The following ROBO1 variants were observed in gnomAD, a reference collection of about 807,000 sequenced individuals.
ROBO1 encodes roundabout guidance receptor 1.
In ROBO1, 149 loss-of-function variants were observed where a neutral mutation model predicts 195.9. The ratio of observed to expected loss-of-function variants is 0.76; its 90% CI spans 0.67 to 0.87. The LOEUF (loss-of-function observed/expected upper bound fraction) is 0.87. Among genes scored for constraint, ROBO1 ranks in the 40% least tolerant of loss-of-function variants. The pLI, the probability that ROBO1 is intolerant of heterozygous loss-of-function variation, is 0.00. For synonymous variants in ROBO1, 816 were observed against 733.2 expected (o/e 1.11, Z -1.82); for missense variants, 1,933 against 2,068.3 (o/e 0.93, Z 1.27).
rs368909952 is a variant in ROBO1 at position 79,584,646 on chromosome 3, TACAC to T, written c.88+5174_88+5177del. 3.6e-3 allele frequency among the ~76,000 whole-genome samples: 508 copies of T among 141,674 alleles called. 6 individuals carry two copies. Among genetic ancestry groups the T allele is most frequent in the Middle Eastern group, 0.012 (3 of 258 alleles). The allele number at this position is 141,674 out of a possible 152,430, so 92.9% of individuals were successfully genotyped here. On this transcript the variant is annotated intron_variant, in intron 2 of 30. Coordinates refer to ENST00000464233, the MANE Select transcript of ROBO1 (RefSeq NM_002941.4). ...GTGTGTGTGTGTGTGTGTATGTTCA[TACAC>T]ACACACACACATACACGTACACACA...
At chr3:78,709,932 T>G (rs906860211) in intron 8 of ROBO1, among the ~76,000 whole-genome samples, 6 of 152,244 alleles carry the variant, frequency 3.9e-5, no homozygotes, top group African/African-American at 1.4e-4. Context: ...TCTTTTTGAT[T>G]CATTTTTCTT....
chr3:79,434,921 GA>G (rs1350497135), intron 2 of ROBO1, among the ~76,000 whole-genome samples: 1 of 152,142 alleles, frequency 6.6e-6, no homozygotes, highest in Non-Finnish European at 1.5e-5. Context: ...TAGGGACATG[GA>G]TGAAGCTGGA....
At chr3:78,653,783 C>G (rs541174941) in intron 18 of ROBO1, among the ~76,000 whole-genome samples, 1 of 152,274 alleles carries the variant, frequency 6.6e-6, no homozygotes, top group Non-Finnish European at 1.5e-5. Flanking sequence ...ACAGGGGCGT[C>G]TGCCAGTATA....
At chr3:79,383,988 G>A (rs1467427853) in intron 2 of ROBO1, among the ~76,000 whole-genome samples, 2 of 151,852 alleles carry the variant, frequency 1.3e-5, no homozygotes, top group African/African-American at 2.4e-5. Context: ...ATTAACTATT[G>A]GTTAATTTAG....
At chr3:79,577,717 A>ACACACAC in intron 2 of ROBO1, among the ~76,000 whole-genome samples, 1 of 140,636 alleles carries the variant, frequency 7.1e-6, no homozygotes, top group Non-Finnish European at 1.6e-5. Context: ...CTTTACTAAA[A>ACACACAC]ACACACACAC....
At chr3:78,838,047 C>T (rs1299201895) in intron 4 of ROBO1, among the ~76,000 whole-genome samples, 1 of 152,174 alleles carries the variant, frequency 6.6e-6, no homozygotes, top group Non-Finnish European at 1.5e-5. Context: ...CAGGTGACTT[C>T]CATATTAGTA....
At chr3:78,953,233 T>A (rs2040879091) in intron 3 of ROBO1, among the ~76,000 whole-genome samples, 1 of 152,034 alleles carries the variant, frequency 6.6e-6, no homozygotes, top group Non-Finnish European at 1.5e-5. Context: ...CAGGCAGGAT[T>A]TCATCCTGAG....
Position 79,730,768 on chromosome 3 carries a change from C to CTT in ROBO1, c.-51+36982_-51+36983dup, listed in dbSNP as rs66527491. Among the ~76,000 whole-genome samples, 258 of 95,504 alleles carry CTT rather than the reference C, an allele frequency of 2.7e-3. 23 individuals are homozygous for CTT. The highest frequency in any genetic ancestry group is 8.3e-3 in the African/African-American group (213 of 25,794). The allele number at this position is 95,504 out of a possible 152,430, so 62.7% of individuals were successfully genotyped here. ...TGAAAATGTCTGTTTCCTGTATTTC[C>CTT]TTTTTTTTTTTTTTTTTTTTTTTTT... On this transcript the variant is annotated intron_variant, in intron 1 of 30. Transcript: ENST00000464233.
intron 3 of ROBO1, among the ~76,000 whole-genome samples, chr3:78,974,599 A>G (rs1374885637): frequency 2.0e-5 from 3 of 152,202 alleles, no homozygotes; most frequent in African/African-American, 7.2e-5. Context: ...TACTCTTGTC[A>G]CCAGCAGTTT....
chr3:79,021,516 C>G (rs1015643517), intron 3 of ROBO1, among the ~76,000 whole-genome samples: 3 of 152,132 alleles, frequency 2.0e-5, no homozygotes, highest in Non-Finnish European at 4.4e-5. Context: ...ATCTCCTGGT[C>G]TCTGGAAGTT....
chr3:79,384,831 A>G (rs959073914), intron 2 of ROBO1, among the ~76,000 whole-genome samples: 2 of 152,076 alleles, frequency 1.3e-5, no homozygotes, highest in Admixed American at 1.3e-4. Context: ...TAAACTAAGA[A>G]TACTTTATCT....
chr3:78,720,656 A>G (rs1378895059), intron 5 of ROBO1, among the ~76,000 whole-genome samples: 3 of 152,202 alleles, frequency 2.0e-5, no homozygotes, highest in South Asian at 2.1e-4. Context: ...CATGTTTATT[A>G]TGGCACTATT....
intron 4 of ROBO1, among the ~76,000 whole-genome samples, chr3:78,914,949 G>A (rs1443977851): frequency 6.6e-6 from 1 of 151,658 alleles, no homozygotes; most frequent in Non-Finnish European, 1.5e-5. Context: ...AGAAAACTTG[G>A]AAATGTGCCT....
intron 3 of ROBO1, chr3:79,019,502 T>G (rs1383698423): frequency 1.0e-6 from 1 of 986,040 alleles, no homozygotes; most frequent in Non-Finnish European, 1.2e-6. Flanking sequence ...CCCAGTTCCC[T>G]CCCTCTCCTC....
intron 1 of ROBO1, among the ~76,000 whole-genome samples, chr3:79,694,297 C>T (rs1289072270): frequency 1.5e-5 from 2 of 136,310 alleles, no homozygotes; most frequent in Non-Finnish European, 3.3e-5. Context: ...TTATAAGCCA[C>T]AGTTTACAAA....
chr3:79,726,749 A>G (rs532933523), intron 1 of ROBO1, among the ~76,000 whole-genome samples: 1 of 152,330 alleles, frequency 6.6e-6, no homozygotes, highest in East Asian at 1.9e-4. Flanking sequence ...CATGAGGCGA[A>G]AAAATACATT....
intron 2 of ROBO1, among the ~76,000 whole-genome samples, chr3:79,519,645 A>AAG (rs1553757502): frequency 2.0e-5 from 3 of 149,974 alleles, no homozygotes; most frequent in African/African-American, 7.5e-5. Flanking sequence ...AAAAAAAAAA[A>AAG]AAAAGAAAAG....
At chr3:78,986,287 G>C (rs1209547193) in intron 3 of ROBO1, among the ~76,000 whole-genome samples, 1 of 152,094 alleles carries the variant, frequency 6.6e-6, no homozygotes, top group Admixed American at 6.6e-5. Flanking sequence ...GAATGAAAGA[G>C]TTAATGTATA....
intron 4 of ROBO1, among the ~76,000 whole-genome samples, chr3:78,912,947 C>T (rs1489308179): frequency 6.6e-6 from 1 of 151,996 alleles, no homozygotes; most frequent in Non-Finnish European, 1.5e-5. Context: ...CTCCTCCTCA[C>T]TTAAACAAAA....
Sources: allele counts gnomAD v4.1 joint callset (sites outside exome capture counted in the v4.1 genomes callset), GRCh38; gene constraint gnomAD v4.1.1; transcripts MANE v1.5; gene names NCBI Gene and HGNC (gene_info 2026-07-23, HGNC 2026-07-21).